The following PREPL variants were observed in gnomAD, a reference collection of about 807,000 sequenced individuals.
PREPL encodes prolyl endopeptidase-like.
Under a neutral mutation model 70.6 loss-of-function variants are expected in PREPL, and 77 were observed. That is an observed-to-expected ratio of 1.09 (90% CI 0.91 to 1.32). PREPL has a LOEUF of 1.32. Ranked by LOEUF, PREPL falls within the 40% of genes most tolerant of loss-of-function variation. PREPL has a pLI of 0.00. For synonymous variants in PREPL, 315 were observed against 264.8 expected (o/e 1.19, Z -1.84); for missense variants, 1,002 against 778.2 (o/e 1.29, Z -3.42).
At position 44,342,459 on chromosome 2, in the gene PREPL, T is replaced by A. The variant is rs1380132045; in HGVS notation, c.443A>T (p.Asp148Val). Residue 148 changes from aspartate to valine, a missense_variant, in exon 5 of 14, where the codon GAT (aspartate) becomes GTT (valine). Physicochemically the swap from Asp to Val is radical, Grantham distance 152. Transcript: ENST00000409411. The part of the protein sequence containing the change: ...CHDVYRATFG[D>V]NKRNERFYTE... ...GTAAAAGCGTTCATTACGTTTGTTA[T>A]CACCAAAAGTGGCTCGATATACGTC... The A allele has an allele frequency of 1.2e-6, 2 of 1,613,418 alleles. No homozygotes were observed. Among genetic ancestry groups the A allele is most frequent in the South Asian group, 2.2e-5 (2 of 91,038 alleles).
In PREPL at chr2:44,319,005, C is replaced by G. The variant is rs2103622051; in HGVS notation, c.*2351G>C. On this transcript the variant is annotated 3_prime_UTR_variant, in exon 14 of 14. Transcript: ENST00000409411. ...AGTAGACAATAATAGCTAACACTTA[C>G]CGGGCACTTCTTATGTGAGTGGCAC... 6.6e-6 allele frequency: 1 copy of G among 152,312 alleles called. No homozygotes were observed. Among genetic ancestry groups the G allele is most frequent in the South Asian group, 2.1e-4 (1 of 4,830 alleles). 9.4% of individuals were successfully genotyped at this position (152,312 alleles called of 1,614,324 possible).
At chr2:44,326,661 T>C (rs751811483) in intron 10 of PREPL, 51 bp downstream of exon 10, 6 of 1,562,058 alleles carry the variant, frequency 3.8e-6, no homozygotes, top group South Asian at 1.1e-5. Flanking sequence ...GAGTAGCCTA[T>C]GGCTTCACAC....
At chr2:44,343,503 G>C (rs17032159) in intron 4 of PREPL, among the ~76,000 whole-genome samples, 9,686 of 152,100 alleles carry the variant, frequency 0.064, 378 homozygotes, top group South Asian at 0.14. Flanking sequence ...AAAACATATT[G>C]TATGACATGG....
intron 1 of PREPL, among the ~76,000 whole-genome samples, chr2:44,361,176 T>C (rs2104297804): frequency 6.6e-6 from 1 of 152,286 alleles, no homozygotes; most frequent in East Asian, 1.9e-4. Flanking sequence ...ATGGGTGTTC[T>C]CAGGAGAACC....
rs1572895650 is a variant in PREPL, at chr2:44,343,860, T to C, written c.234A>G (p.Glu78=). ...TTCTTATCTTGGCAGCCACATATTTTTCATCTGGAGCAACTCTGATACAAT... is the reference window on the plus strand; with the variant it reads ...TTCTTATCTTGGCAGCCACATATTTCTCATCTGGAGCAACTCTGATACAAT... ...FIDCIRVAPD[E]KYVAAKIRTE... Residue 78 remains glutamate (E), a synonymous_variant, in exon 4 of 14, where the codon GAA becomes GAG. Coordinates refer to ENST00000409411, the MANE Select transcript of PREPL (RefSeq NM_001171613.2). 6.2e-7 allele frequency: 1 copy of C among 1,613,970 alleles called. No individual in the cohort carries two copies. Among genetic ancestry groups the C allele is most frequent in the Admixed American group, 1.7e-5 (1 of 59,988 alleles).
rs1672921583 is a variant in PREPL, at chr2:44,321,349, C to G, written c.*7G>C. 6.3e-7 allele frequency: 1 copy of G among 1,590,472 alleles called. No homozygotes were observed. The highest frequency in any genetic ancestry group is 1.3e-5 in the African/African-American group (1 of 74,436). ...TGTGTTTCCAATTCCCAGTTGAATG[C>G]AGTGTTTCAGAATTTCAGGTATTTC... On this transcript the variant is annotated 3_prime_UTR_variant, in exon 14 of 14. Coordinates refer to ENST00000409411, the MANE Select transcript of PREPL (RefSeq NM_001171613.2).
rs754512004 is a variant in PREPL at position 44,342,474 on chromosome 2, C to T, written c.428G>A (p.Arg143Gln). The T allele has an allele frequency of 2.2e-5, 35 of 1,612,738 alleles. No homozygotes were observed. The highest frequency in any genetic ancestry group is 3.3e-5 in the South Asian group (3 of 90,992). ...ACGTTTGTTATCACCAAAAGTGGCT[C>T]GATATACGTCATGACAGCGAAGGTT... is the stretch of plus-strand genomic sequence containing the variant. Reference protein sequence around the residue: ...QRNLRCHDVYRATFGDNKRNE... With the variant: ...QRNLRCHDVYQATFGDNKRNE... The change falls in exon 5 of 14, where the codon CGA becomes CAA. Residue 143 changes from arginine (R) to glutamine (Q), a missense_variant. Physicochemically the swap from Arg to Gln is conservative, Grantham distance 43. Transcript: ENST00000409411.
At chr2:44,330,020 C>A (rs115135215) in intron 8 of PREPL, among the ~76,000 whole-genome samples, 2,076 of 152,266 alleles carry the variant, frequency 0.014, 39 homozygotes, top group African/African-American at 0.046. Flanking sequence ...CTGGAGACAG[C>A]AAAATGTAAT....
At position 44,329,108 on chromosome 2, in the gene PREPL, C is replaced by A. The variant is rs1227568595; in HGVS notation, c.1091G>T (p.Gly364Val). 6.3e-7 allele frequency: 1 copy of A among 1,592,880 alleles called. No homozygotes were observed. Among genetic ancestry groups the A allele is most frequent in the East Asian group, 2.2e-5 (1 of 44,758 alleles). The change falls in exon 9 of 14, where the codon GGA (glycine) becomes GTA (valine). Residue 364 changes from glycine to valine, a missense_variant. Gly to Val is a moderately radical substitution (Grantham distance 109, BLOSUM62 -3). Transcript: ENST00000409411. The stretch of plus-strand genomic sequence containing the variant: ...GAAAACAGTCATTGGCACTAATTTT[C>A]CATCCTAGAAATGAAGAATTACTAT... ...VLRLEAKSKD[G>V]KLVPMTVFHK...
At chr2:44,351,687 T>C (rs1165297896) in intron 1 of PREPL, among the ~76,000 whole-genome samples, 1 of 152,192 alleles carries the variant, frequency 6.6e-6, no homozygotes, top group Non-Finnish European at 1.5e-5. Context: ...TCAACATATA[T>C]TTAGAATCTG....
intron 2 of PREPL, among the ~76,000 whole-genome samples, chr2:44,345,598 T>C (rs1675713523): frequency 6.6e-6 from 1 of 152,160 alleles, no homozygotes; most frequent in Non-Finnish European, 1.5e-5. Flanking sequence ...TCTGCCCACC[T>C]TGACCTCCCA....
chr2:44,354,875 C>G (rs1676847995), intron 1 of PREPL, among the ~76,000 whole-genome samples: 2 of 152,222 alleles, frequency 1.3e-5, no homozygotes, highest in South Asian at 2.1e-4. Flanking sequence ...CCACGCCCGG[C>G]CTTCTTCACC....
At chr2:44,342,687 A>G in intron 4 of PREPL, 135 bp from the exon 5 acceptor site, 1 of 707,538 alleles carries the variant, frequency 1.4e-6, no homozygotes, top group South Asian at 2.1e-5. Flanking sequence ...TAAATATTTG[A>G]CTGTATCTAA....
rs1672905356 is a variant in PREPL at position 44,321,147 on chromosome 2, T to G, written c.*209A>C. On this transcript the variant is annotated 3_prime_UTR_variant, in exon 14 of 14. Transcript: ENST00000409411. ...CTAAGGAGCATGATTTGAAAATTACTTTCCTAGGTTAATGGGCATGTGCAT... is the reference window on the plus strand; with the variant it reads ...CTAAGGAGCATGATTTGAAAATTACGTTCCTAGGTTAATGGGCATGTGCAT... 1.3e-5 allele frequency: 7 copies of G among 541,062 alleles called. No homozygotes were observed. In the East Asian group the frequency reaches 2.2e-4, roughly 17 times the overall value. The allele number at this position is 541,062 out of a possible 1,614,324, so 33.5% of individuals were successfully genotyped here.
chr2:44,331,113 T>A (rs1049096770), intron 8 of PREPL, among the ~76,000 whole-genome samples: 2 of 152,100 alleles, frequency 1.3e-5, no homozygotes, highest in African/African-American at 2.4e-5. Flanking sequence ...TGGCTAATAT[T>A]TTTGGTTTTT....
chr2:44,333,833 A>AG (rs1674366955), intron 7 of PREPL, among the ~76,000 whole-genome samples: 1 of 152,156 alleles, frequency 6.6e-6, no homozygotes, highest in Non-Finnish European at 1.5e-5. Context: ...GAGACTTGAG[A>AG]GGGGAAAAAA....
intron 10 of PREPL, among the ~76,000 whole-genome samples, chr2:44,325,031 A>C (rs555728897): frequency 4.1e-4 from 62 of 152,244 alleles, no homozygotes; most frequent in Non-Finnish European, 8.5e-4. Context: ...TTAACCAAGT[A>C]TAGTGAGTCA....
intron 1 of PREPL, among the ~76,000 whole-genome samples, chr2:44,357,102 G>A (rs1475186011): frequency 6.6e-6 from 1 of 152,232 alleles, no homozygotes; most frequent in Non-Finnish European, 1.5e-5. Context: ...CAGTATGCCT[G>A]ATCAGAACTC....
At position 44,344,651 on chromosome 2, in the gene PREPL, T is replaced by A; in HGVS notation, c.76-65A>T. Reference sequence around the variant, plus strand: ...ATTAACCTTTTCATAGTCTGACTATTCAAGATGAAGATGAAATGAAGACTC... The same window carrying A: ...ATTAACCTTTTCATAGTCTGACTATACAAGATGAAGATGAAATGAAGACTC... On this transcript the variant is annotated intron_variant, in intron 2 of 13. Coordinates refer to ENST00000409411, the MANE Select transcript of PREPL (RefSeq NM_001171613.2). The A allele has an allele frequency of 3.2e-6, 4 of 1,233,260 alleles. No individual in the cohort carries two copies. In the South Asian group the frequency reaches 5.8e-5, roughly 18 times the overall value. 76.4% of individuals were successfully genotyped at this position (1,233,260 alleles called of 1,614,324 possible).
Sources: gnomAD v4.1 joint callset for allele counts (sites outside exome capture counted in the v4.1 genomes callset) on GRCh38, gnomAD v4.1.1 for gene constraint, MANE v1.5 for transcripts, NCBI Gene and HGNC (gene_info 2026-07-23, HGNC 2026-07-21) for gene names.